The following CTTNBP2 variants were observed in gnomAD, a reference collection of about 807,000 sequenced individuals.
CTTNBP2 encodes the protein cortactin-binding protein 2.
A neutral mutation model predicts 156.9 loss-of-function variants in CTTNBP2; 108 were observed. The ratio of observed to expected loss-of-function variants is 0.69; its 90% CI spans 0.59 to 0.81. The LOEUF is 0.81. Ranked by LOEUF, CTTNBP2 falls within the 30% of genes least tolerant of loss-of-function variation. The probability of loss-of-function intolerance (pLI) is 0.00; values close to 1 mark genes in which losing one functional copy is unlikely to be tolerated. For missense variants in CTTNBP2, 1,924 were observed against 2,035.4 expected, an observed-to-expected ratio of 0.95 and a Z score of 1.05; for synonymous variants, 767 against 751.8, an observed-to-expected ratio of 1.02 and a Z score of -0.33.
rs1799041271 is a variant in CTTNBP2 at position 117,791,910 on chromosome 7, T to C, written c.1286A>G (p.His429Arg). Reference sequence around the variant, plus strand: ...CAAAGAGGTGTTGGCACATGGTGAATGTAAACTGTGCATAGGTGGAGCTTG... The same window carrying C: ...CAAAGAGGTGTTGGCACATGGTGAACGTAAACTGTGCATAGGTGGAGCTTG... The part of the protein sequence containing the change: ...NSQAPPMHSL[H>R]SPCANTSLHP... Residue 429 changes from histidine (H) to arginine (R), a missense_variant, in exon 4 of 23, where the codon CAT becomes CGT. Coordinates refer to ENST00000160373, the MANE Select transcript of CTTNBP2 (RefSeq NM_033427.3). The C allele has an allele frequency of 3.1e-6, 5 of 1,614,156 alleles. No homozygotes were observed. The highest frequency in any genetic ancestry group is 4.2e-6 in the Non-Finnish European group (5 of 1,180,034).
intron 17 of CTTNBP2, among the ~76,000 whole-genome samples, chr7:117,727,715 A>C (rs984077682): frequency 3.3e-5 from 5 of 152,206 alleles, no homozygotes; most frequent in African/African-American, 1.2e-4. Flanking sequence ...TAAGTACTGA[A>C]CATATGTCTC....
intron 7 of CTTNBP2, among the ~76,000 whole-genome samples, chr7:117,778,590 A>G (rs1277558546): frequency 6.6e-6 from 1 of 152,128 alleles, no homozygotes; most frequent in Non-Finnish European, 1.5e-5. Flanking sequence ...GATCTACTGA[A>G]TCAGAAACTC....
intron 2 of CTTNBP2, among the ~76,000 whole-genome samples, chr7:117,859,171 A>G (rs1272144782): frequency 1.3e-5 from 2 of 152,200 alleles, no homozygotes; most frequent in Non-Finnish European, 2.9e-5. Context: ...TAAGAAGGTG[A>G]TAACATATTT....
In CTTNBP2 at chr7:117,791,322, C is replaced by G. The variant is rs934717469; in HGVS notation, c.1874G>C (p.Gly625Ala). ...CGTGGCCAGGGCTGAAACGGCACAG[C>G]CTGCAGGTGCCACAGTTAAATCTAT... ...PSIDLTVAPA[G>A]CAVSALATSQ... Residue 625 changes from glycine (G) to alanine (A), a missense_variant, in exon 4 of 23, where the codon GGC becomes GCC. Coordinates refer to ENST00000160373, the MANE Select transcript of CTTNBP2 (RefSeq NM_033427.3). The G allele has an allele frequency of 1.2e-6, 2 of 1,614,022 alleles. No homozygotes were observed. Among genetic ancestry groups the G allele is most frequent in the Non-Finnish European group, 1.7e-6 (2 of 1,180,020 alleles).
At chr7:117,727,950 G>C in intron 17 of CTTNBP2, 139 bp downstream of exon 17, 1 of 733,364 alleles carries the variant, frequency 1.4e-6, no homozygotes. Flanking sequence ...GCCATCCTCT[G>C]AAAGAGCAGA....
intron 2 of CTTNBP2, among the ~76,000 whole-genome samples, chr7:117,841,658 C>T (rs1025847944): frequency 5.3e-5 from 8 of 152,214 alleles, no homozygotes; most frequent in Non-Finnish European, 7.3e-5. Context: ...TATGACCTTT[C>T]GGTCAAATCT....
At chr7:117,743,412 G>A (rs959084262) in intron 14 of CTTNBP2, among the ~76,000 whole-genome samples, 1 of 152,136 alleles carries the variant, frequency 6.6e-6, no homozygotes, top group East Asian at 1.9e-4. Flanking sequence ...CTTAGGAGCT[G>A]GACTGCTGGG....
Position 117,822,242 on chromosome 7 carries a change from C to T in CTTNBP2, c.190-11253G>A, listed in dbSNP as rs111763529. Among the ~76,000 whole-genome samples the T allele has an allele frequency of 9.8e-3, 1,495 of 151,984 alleles. 22 individuals carry two copies. Among genetic ancestry groups the T allele is most frequent in the African/African-American group, 0.034 (1,414 of 41,454 alleles). ...ATCTATAATGCTAATCCCCTTTTTC[C>T]ATTCTTAATATTGGTGATTTGCATT... On this transcript the variant is annotated intron_variant, in intron 2 of 22. Coordinates refer to ENST00000160373, the MANE Select transcript of CTTNBP2 (RefSeq NM_033427.3).
intron 8 of CTTNBP2, among the ~76,000 whole-genome samples, chr7:117,771,408 T>C (rs568576056): frequency 6.6e-6 from 1 of 152,238 alleles, no homozygotes; most frequent in Admixed American, 6.5e-5. Context: ...GCTGGGGAGA[T>C]GGAAGCTGTT....
chr7:117,768,581 A>AAAAAAAAAAAAAAAAAAGAAAG (rs1554419704), intron 8 of CTTNBP2, among the ~76,000 whole-genome samples: 1 of 99,112 alleles, frequency 1.0e-5, no homozygotes, highest in Non-Finnish European at 1.8e-5. Flanking sequence ...AAAAAAAAAA[A>AAAAAAAAAAAAAAAAAAGAAAG]AAAGAAAGAA....
At chr7:117,793,547 A>C (rs1331665911) in intron 3 of CTTNBP2, 1 of 152,324 alleles carries the variant, frequency 6.6e-6, no homozygotes, top group Non-Finnish European at 1.5e-5. Context: ...ACCTTCCCGT[A>C]GCGCTCCTGC....
chr7:117,738,779 A>G (rs892895364), intron 14 of CTTNBP2, among the ~76,000 whole-genome samples: 58 of 152,150 alleles, frequency 3.8e-4, no homozygotes, highest in African/African-American at 1.4e-3. Context: ...GGGTGAGGGC[A>G]TTGAGGAAGG....
chr7:117,816,587 T>G (rs1262383998), intron 2 of CTTNBP2, among the ~76,000 whole-genome samples: 1 of 152,174 alleles, frequency 6.6e-6, no homozygotes, highest in Non-Finnish European at 1.5e-5. Context: ...CTAATTTGGA[T>G]TCAAGGAAAC....
intron 12 of CTTNBP2, among the ~76,000 whole-genome samples, chr7:117,749,925 T>G (rs776521518): frequency 6.6e-6 from 1 of 152,180 alleles, no homozygotes; most frequent in Non-Finnish European, 1.5e-5. Context: ...AAATTGTCTA[T>G]TAGGTACGCA....
intron 1 of CTTNBP2, chr7:117,872,046 C>T: frequency 4.9e-6 from 4 of 818,368 alleles, no homozygotes; most frequent in Non-Finnish European, 5.9e-6. Flanking sequence ...TTAAAGTTCT[C>T]ATTTTCTATG....
At chr7:117,856,958 T>A (rs1317942585) in intron 2 of CTTNBP2, among the ~76,000 whole-genome samples, 3 of 152,248 alleles carry the variant, frequency 2.0e-5, no homozygotes, top group African/African-American at 7.2e-5. Flanking sequence ...TCCACAAAGT[T>A]AATTAATCTT....
At chr7:117,826,888 G>C (rs1801321758) in intron 2 of CTTNBP2, among the ~76,000 whole-genome samples, 1 of 148,852 alleles carries the variant, frequency 6.7e-6, no homozygotes, top group Non-Finnish European at 1.5e-5. Flanking sequence ...TTGAGATGGA[G>C]TCTCACTCTG....
chr7:117,802,875 A>G (rs554746738), intron 3 of CTTNBP2, among the ~76,000 whole-genome samples: 1 of 152,290 alleles, frequency 6.6e-6, no homozygotes, highest in Admixed American at 6.5e-5. Flanking sequence ...TAAAAAGTCA[A>G]AAAAATAATA....
intron 12 of CTTNBP2, among the ~76,000 whole-genome samples, chr7:117,752,327 T>C (rs560203198): frequency 6.6e-6 from 1 of 152,268 alleles, no homozygotes; most frequent in East Asian, 1.9e-4. Flanking sequence ...TCTAATATCA[T>C]AATTACTCAT....
Sources: allele counts gnomAD v4.1 joint callset (sites outside exome capture counted in the v4.1 genomes callset), GRCh38; gene constraint gnomAD v4.1.1; transcripts MANE v1.5; gene names NCBI Gene and HGNC (gene_info 2026-07-23, HGNC 2026-07-21).